The following CACNA1E variants were observed in gnomAD, a reference collection of about 807,000 sequenced individuals.
The protein encoded by CACNA1E is calcium voltage-gated channel subunit alpha1 E, also known as voltage-dependent R-type calcium channel subunit alpha-1E.
In CACNA1E, 40 loss-of-function variants were observed where a neutral mutation model predicts 259.2. The observed-to-expected ratio is 0.15, with a 90% confidence interval of 0.12 to 0.20. CACNA1E has a LOEUF of 0.20. Ranked by LOEUF, CACNA1E falls within the 10% of genes least tolerant of loss-of-function variation. CACNA1E has a pLI of 1.00. For synonymous variants in CACNA1E, 1,104 were observed against 1,138.5 expected (o/e 0.97, Z 0.61); for missense variants, 1,874 against 3,040.1 (o/e 0.62, Z 9.02).
rs1055662539 is a variant in CACNA1E, at chr1:181,738,433, A to C, written c.3612+7A>C. 10 of 1,612,200 alleles carry C rather than the reference A, an allele frequency of 6.2e-6. No homozygotes were observed. Among genetic ancestry groups the C allele is most frequent in the African/African-American group, 2.7e-5 (2 of 74,832 alleles). On this transcript the variant is annotated splice_region_variant and intron_variant, in intron 24 of 47. Transcript: ENST00000367573. ...CTTTGAGATGGTTATAAAGGTAAAA[A>C]CTTCTAGAGAAAACCTGGGCTCTTG...
intron 1 of CACNA1E, among the ~76,000 whole-genome samples, chr1:181,500,928 T>C (rs1198115347): frequency 6.6e-6 from 1 of 152,062 alleles, no homozygotes; most frequent in African/African-American, 2.4e-5. Context: ...TGAAGTGGGG[T>C]GTAGTCTTGG....
At chr1:181,719,703 C>A in intron 12 of CACNA1E, 48 bp from the exon 13 acceptor site, 1 of 1,055,860 alleles carries the variant, frequency 9.5e-7, no homozygotes, top group Non-Finnish European at 1.4e-6. Flanking sequence ...AATGCCCCCT[C>A]TTCTCCTCTT....
At chr1:181,570,829 C>A (rs1650334885) in intron 3 of CACNA1E, among the ~76,000 whole-genome samples, 2 of 152,216 alleles carry the variant, frequency 1.3e-5, no homozygotes, top group South Asian at 2.1e-4. Context: ...ACCACCAGAT[C>A]CTTAATCCCA....
chr1:181,354,060 A>G (rs1653239399), intron 1 of CACNA1E, among the ~76,000 whole-genome samples: 3 of 152,096 alleles, frequency 2.0e-5, no homozygotes, highest in South Asian at 4.1e-4. Context: ...GGGACACACA[A>G]ATTGGAATCT....
In CACNA1E at chr1:181,387,720, G is replaced by A. The variant is rs529725338; in HGVS notation, c.-14-25413G>A. 2.0e-3 allele frequency among the ~76,000 whole-genome samples: 304 copies of A among 152,378 alleles called. 2 individuals carry two copies. Among genetic ancestry groups the A allele is most frequent in the African/African-American group, 7.2e-3 (299 of 41,596 alleles). ...GGAACAGGGATCCTGCCCTGGCAGA[G>A]TCTTGGTTCCTACTTGGGGAACGTA... On this transcript the variant is annotated intron_variant, in intron 1 of 11. Transcript: ENST00000524607.
intron 8 of CACNA1E, among the ~76,000 whole-genome samples, chr1:181,713,701 T>A (rs1653616632): frequency 1.3e-5 from 2 of 152,194 alleles, no homozygotes; most frequent in South Asian, 4.1e-4. Context: ...TCTTAGGGAA[T>A]GTTTAACGAG....
rs140871394 is a variant in CACNA1E, at chr1:181,583,535, T to C, written c.951+2759T>C. ...CCCAGTAGGAAGAAGCTCTCAAGCA[T>C]GTGGGCTCAGTTTAACCTTTTTATA... On this transcript the variant is annotated intron_variant, in intron 6 of 47. Transcript: ENST00000367573. Among the ~76,000 whole-genome samples the C allele has an allele frequency of 3.5e-4, 54 of 152,368 alleles. No homozygotes were observed. In the East Asian group the frequency reaches 9.8e-3, roughly 28 times the overall value.
At chr1:181,422,495 A>G (rs574201379) in intron 2 of CACNA1E, among the ~76,000 whole-genome samples, 3 of 152,270 alleles carry the variant, frequency 2.0e-5, no homozygotes, top group African/African-American at 7.2e-5. Context: ...GGGTGTGGAG[A>G]TTCATGAGCT....
intron 1 of CACNA1E, among the ~76,000 whole-genome samples, chr1:181,339,371 C>T (rs1259155289): frequency 6.6e-6 from 1 of 151,716 alleles, no homozygotes; most frequent in South Asian, 2.1e-4. Context: ...GTGCACAGAT[C>T]TTTCACTTCC....
rs1368994141 is a variant in CACNA1E at position 181,510,645 on chromosome 1, C to T, written c.372+63C>T. On this transcript the variant is annotated intron_variant, in intron 2 of 47. Coordinates refer to ENST00000367573, the MANE Select transcript of CACNA1E (RefSeq NM_001205293.3). ...GTCTTTCTTGGTTTCTTCTCCTCTG[C>T]TTTATCACTCTCCCATTCCCTTCCT... 3 of 1,013,252 alleles carry T rather than the reference C, an allele frequency of 3.0e-6. No individual in the cohort carries two copies. The African/African-American group carries it at 4.7e-5, about 16-fold the overall frequency. The allele number at this position is 1,013,252 out of a possible 1,614,324, so 62.8% of individuals were successfully genotyped here.
chr1:181,634,706 G>A (rs1314919523), intron 6 of CACNA1E, among the ~76,000 whole-genome samples: 2 of 152,178 alleles, frequency 1.3e-5, no homozygotes, highest in African/African-American at 4.8e-5. Context: ...GCAAAGGCCA[G>A]TGACAGTGTT....
rs1001274040 is a variant in CACNA1E at position 181,473,251 on chromosome 1, G to A, written c.435-10493G>A. Among the ~76,000 whole-genome samples the A allele has an allele frequency of 5.3e-5, 8 of 152,188 alleles. No individual in the cohort carries two copies. In the South Asian group the frequency reaches 1.7e-3, roughly 32 times the overall value. On this transcript the variant is annotated intron_variant, in intron 2 of 11. Coordinates refer to the CACNA1E transcript ENST00000524607. ...ATACCTTTTGCAGATAGCTAACTGAGGCTGGCCTACCAGGGAGCTCAGGGT... is the reference window on the plus strand; with the variant it reads ...ATACCTTTTGCAGATAGCTAACTGAAGCTGGCCTACCAGGGAGCTCAGGGT...
intron 7 of CACNA1E, among the ~76,000 whole-genome samples, chr1:181,667,594 A>G (rs1299961688): frequency 6.6e-6 from 1 of 152,162 alleles, no homozygotes; most frequent in Non-Finnish European, 1.5e-5. Context: ...CAAATACATA[A>G]GGTTATCCAT....
Position 181,756,822 on chromosome 1 carries a change from C to G in CACNA1E, c.4128-103C>G, listed in dbSNP as rs988994540. 3.1e-5 allele frequency: 25 copies of G among 803,066 alleles called. No homozygotes were observed. In the African/African-American group the frequency reaches 4.0e-4, roughly 13 times the overall value. 49.7% of individuals were successfully genotyped at this position (803,066 alleles called of 1,614,324 possible). Reference sequence around the variant, plus strand: ...TCAAAAAAAATTAATGGAGGATCTGCAAAGTCAAAGAAGTCAGATAAAAAA... The same window carrying G: ...TCAAAAAAAATTAATGGAGGATCTGGAAAGTCAAAGAAGTCAGATAAAAAA... On this transcript the variant is annotated intron_variant, in intron 29 of 47. Transcript: ENST00000367573.
At chr1:181,722,461 C>T (rs1654499180) in intron 16 of CACNA1E, among the ~76,000 whole-genome samples, 1 of 152,208 alleles carries the variant, frequency 6.6e-6, no homozygotes, top group Non-Finnish European at 1.5e-5. Flanking sequence ...CCAGTTCCAT[C>T]TAACTCCAGT....
intron 2 of CACNA1E, 33 bp downstream of exon 2, chr1:181,510,615 CTT>C: frequency 7.2e-7 from 1 of 1,390,632 alleles, no homozygotes. Flanking sequence ...CCCTTTGCCC[CTT>C]TTGTCTTTCT....
At chr1:181,564,785 C>T (rs1186361180) in intron 3 of CACNA1E, among the ~76,000 whole-genome samples, 1 of 152,152 alleles carries the variant, frequency 6.6e-6, no homozygotes, top group East Asian at 1.9e-4. Context: ...CCATGGACTG[C>T]AGAGTGGATG....
intron 1 of CACNA1E, among the ~76,000 whole-genome samples, chr1:181,335,834 A>G (rs1000907094): frequency 6.6e-6 from 1 of 152,180 alleles, no homozygotes; most frequent in Non-Finnish European, 1.5e-5. Flanking sequence ...TGTGAGGCTG[A>G]CACCCTGGAG....
chr1:181,381,259 T>C (rs183599472), intron 1 of CACNA1E, among the ~76,000 whole-genome samples: 27 of 152,084 alleles, frequency 1.8e-4, no homozygotes, highest in African/African-American at 6.5e-4. Context: ...GAAATATCCA[T>C]TAACAGATGC....
Sources: gnomAD v4.1 joint callset for allele counts (sites outside exome capture counted in the v4.1 genomes callset) on GRCh38, gnomAD v4.1.1 for gene constraint, MANE v1.5 for transcripts, NCBI Gene and HGNC (gene_info 2026-07-23, HGNC 2026-07-21) for gene names.